PDE1A: variants seen among roughly 807,000 people sequenced by gnomAD.
The protein encoded by PDE1A is phosphodiesterase 1A.
In PDE1A, 35 loss-of-function variants were observed where a neutral mutation model predicts 61.7. The ratio of observed to expected loss-of-function variants is 0.57; its 90% CI spans 0.43 to 0.75. PDE1A has a LOEUF of 0.75. Among genes scored for constraint, PDE1A ranks in the 30% least tolerant of loss-of-function variants. PDE1A has a pLI of 0.00. For synonymous variants in PDE1A, 232 were observed against 213.2 expected (o/e 1.09, Z -0.77); for missense variants, 597 against 630.6 (o/e 0.95, Z 0.57).
chr2:182,602,675 T>C, the PDE1A span, among the ~76,000 whole-genome samples: 2 of 152,094 alleles, frequency 1.3e-5, no homozygotes, highest in Admixed American at 1.3e-4. Context: ...AATCAGCCCA[T>C]GATTGGTGGT....
At chr2:182,451,477 G>A (rs13387691) in intron 2 of PDE1A, among the ~76,000 whole-genome samples, 1 of 151,892 alleles carries the variant, frequency 6.6e-6, no homozygotes, top group Non-Finnish European at 1.5e-5. Flanking sequence ...ACACTCCCCA[G>A]ATCTATTTCT....
chr2:182,506,629 C>T (rs1347124207), intron 2 of PDE1A, among the ~76,000 whole-genome samples: 2 of 152,130 alleles, frequency 1.3e-5, no homozygotes, highest in African/African-American at 4.8e-5. Context: ...CCTCTTAAAT[C>T]TGGAAAGATA....
chr2:182,325,266 A>T (rs972362227), intron 1 of PDE1A, among the ~76,000 whole-genome samples: 3 of 152,198 alleles, frequency 2.0e-5, no homozygotes, highest in Non-Finnish European at 4.4e-5. Context: ...ATAACACTAA[A>T]TGTGACTAAA....
chr2:182,460,843 T>C lies in PDE1A; in HGVS notation c.101+61433A>G, dbSNP rs34010252. 5.6e-3 allele frequency among the ~76,000 whole-genome samples: 850 copies of C among 152,320 alleles called. 9 individuals carry two copies. Among genetic ancestry groups the C allele is most frequent in the Non-Finnish European group, 9.4e-3 (642 of 68,030 alleles). On this transcript the variant is annotated intron_variant, in intron 2 of 14. Transcript: ENST00000410103. ...GTTGGTGCAAAAGTAATTGTAGTTT[T>C]TGTTATTGCTTTTAATGGCAAAAAC...
At chr2:182,337,577 G>A (rs1697918585) in intron 1 of PDE1A, among the ~76,000 whole-genome samples, 1 of 152,098 alleles carries the variant, frequency 6.6e-6, no homozygotes, top group African/African-American at 2.4e-5. Context: ...CAAATAATTT[G>A]GAGAATGGCC....
chr2:182,459,445 G>A (rs1686132836), intron 2 of PDE1A, among the ~76,000 whole-genome samples: 1 of 152,078 alleles, frequency 6.6e-6, no homozygotes, highest in African/African-American at 2.4e-5. Flanking sequence ...CCTAAATCAA[G>A]TTTTATGTTC....
intron 1 of PDE1A, among the ~76,000 whole-genome samples, chr2:182,419,910 G>A (rs1201320411): frequency 6.6e-6 from 1 of 152,044 alleles, no homozygotes; most frequent in South Asian, 2.1e-4. Context: ...TAAAAGTTAT[G>A]AGAAATACAA....
At chr2:182,301,137 A>G (rs940398601) in intron 1 of PDE1A, among the ~76,000 whole-genome samples, 2 of 152,198 alleles carry the variant, frequency 1.3e-5, no homozygotes, top group African/African-American at 4.8e-5. Context: ...TCCTTGAACT[A>G]AAGAACCCAT....
intron 7 of PDE1A, among the ~76,000 whole-genome samples, chr2:182,209,302 C>G (rs1252126714): frequency 1.3e-5 from 2 of 151,956 alleles, no homozygotes; most frequent in Non-Finnish European, 2.9e-5. Context: ...CATCAAATCT[C>G]GTGAGACTTA....
intron 1 of PDE1A, among the ~76,000 whole-genome samples, chr2:182,332,039 GTTCAT>G (rs1350601703): frequency 6.6e-6 from 1 of 151,946 alleles, no homozygotes; most frequent in Non-Finnish European, 1.5e-5. Flanking sequence ...TGGCGGGTTT[GTTCAT>G]TTCTTTTCAT....
At chr2:182,245,235 G>C (rs778251813) in intron 2 of PDE1A, among the ~76,000 whole-genome samples, 4 of 152,110 alleles carry the variant, frequency 2.6e-5, no homozygotes, top group Non-Finnish European at 5.9e-5. Flanking sequence ...GTATAGTACA[G>C]AGAATTCCCA....
chr2:182,702,550 T>C, the PDE1A span, among the ~76,000 whole-genome samples: 1 of 152,242 alleles, frequency 6.6e-6, no homozygotes, highest in African/African-American at 2.4e-5. Context: ...TGGTATGTGA[T>C]GCACTTCATA....
At chr2:182,299,076 A>G (rs833143) in intron 1 of PDE1A, among the ~76,000 whole-genome samples, 2,461 of 152,116 alleles carry the variant, frequency 0.016, 42 homozygotes, top group African/African-American at 0.033. Context: ...AAATGTGTAG[A>G]GTATCAATTC....
intron 2 of PDE1A, among the ~76,000 whole-genome samples, chr2:182,489,925 A>C (rs181048358): frequency 2.6e-5 from 4 of 152,382 alleles, no homozygotes; most frequent in African/African-American, 9.6e-5. Flanking sequence ...ACGGGGCAGT[A>C]GCACAGATAA....
intron 1 of PDE1A, among the ~76,000 whole-genome samples, chr2:182,315,931 T>C (rs1461827422): frequency 6.6e-6 from 1 of 152,144 alleles, no homozygotes; most frequent in African/African-American, 2.4e-5. Flanking sequence ...ACTGGGAACA[T>C]TGATGATAGG....
At chr2:182,247,276 T>C (rs1691044993) in intron 2 of PDE1A, among the ~76,000 whole-genome samples, 1 of 152,198 alleles carries the variant, frequency 6.6e-6, no homozygotes, top group South Asian at 2.1e-4. Context: ...TATGCATTGT[T>C]TATATGCCTT....
At chr2:182,468,641 T>C (rs561869658) in intron 2 of PDE1A, among the ~76,000 whole-genome samples, 2 of 152,138 alleles carry the variant, frequency 1.3e-5, no homozygotes, top group Non-Finnish European at 2.9e-5. Flanking sequence ...ATGTTCTTAA[T>C]GGGATTTGGA....
chr2:182,241,840 G>A (rs1690540368), intron 2 of PDE1A: 1 of 1,542,452 alleles, frequency 6.5e-7, no homozygotes, highest in Non-Finnish European at 8.7e-7. Context: ...TCTGACATTT[G>A]GATGGTTTTG....
the PDE1A span, among the ~76,000 whole-genome samples, chr2:182,704,202 C>T: frequency 2.1e-5 from 3 of 141,814 alleles, no homozygotes; most frequent in East Asian, 4.1e-4. Flanking sequence ...GAGAGAGACA[C>T]TCCGTCTGGA....
Sources: allele counts gnomAD v4.1 joint callset (sites outside exome capture counted in the v4.1 genomes callset), GRCh38; gene constraint gnomAD v4.1.1; transcripts MANE v1.5; gene names NCBI Gene and HGNC (gene_info 2026-07-23, HGNC 2026-07-21).